The following DOCK4 variants were observed in gnomAD, a reference collection of about 807,000 sequenced individuals.
The protein encoded by DOCK4 is dedicator of cytokinesis 4, also known as dedicator of cytokinesis protein 4.
In DOCK4, 97 loss-of-function variants were observed where a neutral mutation model predicts 268.1. The ratio of observed to expected loss-of-function variants is 0.36; its 90% CI spans 0.31 to 0.43. The LOEUF is 0.43. Among genes scored for constraint, DOCK4 ranks in the 20% least tolerant of loss-of-function variants. The pLI is 1.00. For missense variants in DOCK4, 2,145 were observed against 2,455.7 expected (o/e 0.87, Z 2.67); for synonymous variants, 954 against 887.2 (o/e 1.08, Z -1.34).
At chr7:112,158,793 G>A (rs1386622667) in intron 1 of DOCK4, among the ~76,000 whole-genome samples, 3 of 152,168 alleles carry the variant, frequency 2.0e-5, no homozygotes, top group African/African-American at 7.2e-5. Flanking sequence ...CTTCTCAATT[G>A]TTTGGTTATA....
intron 30 of DOCK4, among the ~76,000 whole-genome samples, chr7:111,806,110 T>A (rs1423071318): frequency 1.3e-5 from 2 of 152,196 alleles, no homozygotes; most frequent in Non-Finnish European, 2.9e-5. Context: ...CTTCATAAAC[T>A]TAGTCAAATT....
intron 8 of DOCK4, among the ~76,000 whole-genome samples, chr7:111,951,654 A>G (rs560486394): frequency 6.6e-6 from 1 of 151,648 alleles, no homozygotes; most frequent in Non-Finnish European, 1.5e-5. Context: ...TACCAAAAAA[A>G]AAAAAAAAAG....
intron 23 of DOCK4, among the ~76,000 whole-genome samples, chr7:111,849,431 T>A (rs1458577978): frequency 1.3e-5 from 2 of 151,956 alleles, no homozygotes; most frequent in Non-Finnish European, 2.9e-5. Flanking sequence ...CCCAGCTAGT[T>A]TTTGTATTTT....
chr7:112,150,597 A>C (rs1159125369), intron 1 of DOCK4, among the ~76,000 whole-genome samples: 1 of 152,132 alleles, frequency 6.6e-6, no homozygotes, highest in Non-Finnish European at 1.5e-5. Context: ...TCAGCATCCT[A>C]ATACCATTCA....
chr7:111,943,599 G>A (rs189069930), intron 10 of DOCK4, among the ~76,000 whole-genome samples: 142 of 152,216 alleles, frequency 9.3e-4, no homozygotes, highest in African/African-American at 3.2e-3. Flanking sequence ...AGAACAGACA[G>A]GCTTTATCTC....
intron 1 of DOCK4, among the ~76,000 whole-genome samples, chr7:112,126,652 C>A (rs1813244914): frequency 6.6e-6 from 1 of 152,032 alleles, no homozygotes; most frequent in Non-Finnish European, 1.5e-5. Flanking sequence ...TTTTTGCAAC[C>A]TACTCATCTG....
At chr7:111,923,306 A>T (rs952526875) in intron 12 of DOCK4, among the ~76,000 whole-genome samples, 1 of 152,228 alleles carries the variant, frequency 6.6e-6, no homozygotes, top group Non-Finnish European at 1.5e-5. Context: ...TTTCCCACGG[A>T]TACCAAGCAA....
intron 30 of DOCK4, among the ~76,000 whole-genome samples, chr7:111,797,640 C>T (rs1367051727): frequency 6.6e-6 from 1 of 152,082 alleles, no homozygotes. Flanking sequence ...TTCCAGTAAA[C>T]AACTCTGACT....
intron 10 of DOCK4, among the ~76,000 whole-genome samples, chr7:111,942,251 T>C (rs186313342): frequency 5.1e-4 from 77 of 152,288 alleles, no homozygotes; most frequent in Admixed American, 1.6e-3. Flanking sequence ...TCTCTTTTTT[T>C]TTCCTCTCCA....
intron 8 of DOCK4, among the ~76,000 whole-genome samples, chr7:111,946,955 CA>C (rs746018390): frequency 7.2e-5 from 11 of 152,290 alleles, no homozygotes; most frequent in Admixed American, 1.3e-4. Context: ...TATAAACCCA[CA>C]AAAAATTAAT....
intron 1 of DOCK4, among the ~76,000 whole-genome samples, chr7:112,185,232 A>C (rs1819402080): frequency 1.3e-5 from 2 of 152,228 alleles, no homozygotes; most frequent in South Asian, 4.1e-4. Flanking sequence ...GAAGCTGGTG[A>C]CTGCCTGGCA....
intron 1 of DOCK4, among the ~76,000 whole-genome samples, chr7:112,193,555 C>T (rs1820159255): frequency 6.7e-6 from 1 of 150,274 alleles, no homozygotes; most frequent in South Asian, 2.1e-4. Context: ...GCCATGATCA[C>T]ACCACTGCAT....
chr7:111,938,993 TG>T (rs1032489502), intron 11 of DOCK4, among the ~76,000 whole-genome samples: 3 of 133,620 alleles, frequency 2.2e-5, no homozygotes, highest in Non-Finnish European at 3.2e-5. Flanking sequence ...AAAAAAAAGT[TG>T]GGGGGGTGGG....
At chr7:112,038,032 A>C (rs183747369) in intron 1 of DOCK4, among the ~76,000 whole-genome samples, 6 of 152,306 alleles carry the variant, frequency 3.9e-5, no homozygotes, top group Admixed American at 3.3e-4. Flanking sequence ...ATTAAATGTA[A>C]AGGTTTAAAC....
intron 1 of DOCK4, among the ~76,000 whole-genome samples, chr7:112,048,389 CAAAAAAAAAAA>C (rs59810546): frequency 2.8e-5 from 2 of 72,124 alleles, no homozygotes; most frequent in South Asian, 5.5e-4. Context: ...ACTAAAAATA[CAAAAAAAAAAA>C]AAAAAAAAAA....
chr7:111,984,321 A>G lies in DOCK4; in HGVS notation c.534T>C (p.Thr178=), dbSNP rs755997513. Residue 178 remains threonine (T), a synonymous_variant, in exon 7 of 53, where the codon ACT becomes ACC. Coordinates refer to ENST00000428084, the MANE Select transcript of DOCK4 (RefSeq NM_001363540.2). ...CTGTACCTACCAATCGGTAGAGCTC[A>G]GTAATGCTGATGTCTTCCGGATCCA... ...AMVDPEDISI[T]ELYRLMEHRH... The G allele has an allele frequency of 2.5e-6, 4 of 1,612,848 alleles. No individual in the cohort carries two copies. In the South Asian group the frequency reaches 4.4e-5, roughly 18 times the overall value.
intron 4 of DOCK4, among the ~76,000 whole-genome samples, chr7:111,997,109 T>C (rs937646046): frequency 2.6e-5 from 4 of 152,162 alleles, no homozygotes; most frequent in Non-Finnish European, 5.9e-5. Flanking sequence ...CACAGAAGGA[T>C]CAGAACAAAG....
intron 52 of DOCK4, 139 bp downstream of exon 52, chr7:111,732,087 C>A: frequency 2.4e-6 from 2 of 834,580 alleles, no homozygotes; most frequent in Non-Finnish European, 3.7e-6. Flanking sequence ...TTTTCTCAAC[C>A]AGCTTCCCCT....
chr7:111,766,869 A>C (rs931702087), intron 38 of DOCK4, among the ~76,000 whole-genome samples, 163 bp downstream of exon 38: 1 of 152,224 alleles, frequency 6.6e-6, no homozygotes, highest in Non-Finnish European at 1.5e-5. Flanking sequence ...GCATTACACA[A>C]ATCAATTTGC....
Sources: gnomAD v4.1 joint callset for allele counts (sites outside exome capture counted in the v4.1 genomes callset) on GRCh38, gnomAD v4.1.1 for gene constraint, MANE v1.5 for transcripts, NCBI Gene and HGNC (gene_info 2026-07-23, HGNC 2026-07-21) for gene names.